Variants in HEXB observed in about 807,000 individuals in gnomAD.
The protein encoded by HEXB is beta-hexosaminidase subunit beta.
Under a neutral mutation model 71.2 loss-of-function variants are expected in HEXB, and 51 were observed. The ratio of observed to expected loss-of-function variants is 0.72; its 90% CI spans 0.57 to 0.90. The LOEUF is 0.90. Among genes scored for constraint, HEXB ranks in the 40% least tolerant of loss-of-function variants. The probability of loss-of-function intolerance (pLI) is 0.00; values close to 1 mark genes in which losing one functional copy is unlikely to be tolerated. For missense variants in HEXB, 617 were observed against 677.0 expected, an observed-to-expected ratio of 0.91 and a Z score of 0.98; for synonymous variants, 266 against 249.3, an observed-to-expected ratio of 1.07 and a Z score of -0.63.
At chr5:74,645,432 A>T (rs575083381) in intron 1 of HEXB, among the ~76,000 whole-genome samples, 2 of 152,274 alleles carry the variant, frequency 1.3e-5, no homozygotes, top group East Asian at 3.9e-4. Context: ...AATACAATTG[A>T]CTTTTGTATT....
chr5:74,660,147 A>G (rs186844777), intron 1 of HEXB, among the ~76,000 whole-genome samples: 3 of 152,320 alleles, frequency 2.0e-5, no homozygotes, highest in East Asian at 3.9e-4. Context: ...GGGACTCTCA[A>G]CTTAGCTGGG....
intron 11 of HEXB, chr5:74,719,954 A>AAACC (rs71600437): frequency 9.5e-5 from 15 of 158,484 alleles, no homozygotes; most frequent in Non-Finnish European, 1.5e-4. Flanking sequence ...AAAAAAAAAA[A>AAACC]ACACACACAT....
At chr5:74,659,127 A>G (rs1030455344) in intron 1 of HEXB, among the ~76,000 whole-genome samples, 4 of 151,454 alleles carry the variant, frequency 2.6e-5, no homozygotes, top group African/African-American at 9.7e-5. Flanking sequence ...GAAAAAAAAA[A>G]CTTGTCTTTG....
At chr5:74,703,355 G>A (rs1031599498) in intron 5 of HEXB, among the ~76,000 whole-genome samples, 1 of 152,214 alleles carries the variant, frequency 6.6e-6, no homozygotes, top group African/African-American at 2.4e-5. Flanking sequence ...TTGGAGCACT[G>A]TCTTACTTTT....
At chr5:74,699,385 T>G (rs1031420230) in intron 5 of HEXB, among the ~76,000 whole-genome samples, 1 of 150,814 alleles carries the variant, frequency 6.6e-6, no homozygotes, top group East Asian at 2.0e-4. Context: ...AGCAATTCTC[T>G]TGCCTCTGTC....
intron 9 of HEXB, 81 bp downstream of exon 9, chr5:74,716,754 T>A (rs1306624660): frequency 1.1e-6 from 1 of 894,638 alleles, no homozygotes; most frequent in African/African-American, 1.7e-5. Context: ...TTTTACATTT[T>A]CTCTACATCC....
chr5:74,693,854 G>GGAT lies in HEXB; in HGVS notation c.511+150_511+151insGAT, dbSNP rs577531868. The GGAT allele has an allele frequency of 7.2e-4, 513 of 716,262 alleles. No individual in the cohort carries two copies. In the African/African-American group the frequency reaches 8.0e-3, roughly 11 times the overall value. 44.4% of individuals were successfully genotyped at this position (716,262 alleles called of 1,614,324 possible). On this transcript the variant is annotated intron_variant, in intron 3 of 13. Coordinates refer to ENST00000261416, the MANE Select transcript of HEXB (RefSeq NM_000521.4). The stretch of plus-strand genomic sequence containing the variant: ...TTCCAAAATGATTTCCATTGAACAT[G>GGAT]TACTACATAAAGCATGGGAGAGGTC...
intron 6 of HEXB, among the ~76,000 whole-genome samples, chr5:74,709,555 TAA>T (rs1028034959): frequency 2.0e-5 from 3 of 151,196 alleles, no homozygotes; most frequent in Non-Finnish European, 4.4e-5. Context: ...GCAAGACTAA[TAA>T]AAAAAGAGAG....
At chr5:74,681,157 G>A (rs993584263), upstream of HEXB, among the ~76,000 whole-genome samples, 1 of 152,216 alleles carries the variant, frequency 6.6e-6, no homozygotes, top group Non-Finnish European at 1.5e-5. Context: ...ATAAGAGGAT[G>A]ATAATAATAT....
Position 74,658,684 on chromosome 5 carries a change from T to A in HEXB, c.-377+18126T>A, listed in dbSNP as rs147245626. Among the ~76,000 whole-genome samples the A allele has an allele frequency of 1.6e-3, 250 of 152,314 alleles. 1 individual carries two copies. The highest frequency in any genetic ancestry group is 5.7e-3 in the African/African-American group (235 of 41,556). On this transcript the variant is annotated intron_variant, in intron 1 of 13. Coordinates refer to the HEXB transcript ENST00000511181. Reference sequence around the variant, plus strand: ...ACTCTTGGGTACCAGGGAAATAATGTGTCCTAGGAATGACAGAAGATTCAC... The same window carrying A: ...ACTCTTGGGTACCAGGGAAATAATGAGTCCTAGGAATGACAGAAGATTCAC...
At chr5:74,702,695 A>G (rs1275596436) in intron 5 of HEXB, among the ~76,000 whole-genome samples, 1 of 152,238 alleles carries the variant, frequency 6.6e-6, no homozygotes, top group Non-Finnish European at 1.5e-5. Context: ...GAGACCGTGT[A>G]AAATCCCATT....
Position 74,664,430 on chromosome 5 carries a change from T to TAAAAAAAA in HEXB, c.-377+23888_-377+23895dup, listed in dbSNP as rs397998152. Among the ~76,000 whole-genome samples, 5 of 79,662 alleles carry TAAAAAAAA rather than the reference T, an allele frequency of 6.3e-5. No individual in the cohort carries two copies. In the South Asian group the frequency reaches 1.8e-3, roughly 29 times the overall value. 52.3% of individuals were successfully genotyped at this position (79,662 alleles called of 152,430 possible). A position where few individuals can be genotyped will look rare whatever the true frequency, so the allele number is the denominator to read the frequency against. ...GGGCAATAGAGCAAGATTCTATCTC[T>TAAAAAAAA]AAAAAAAAAAAAAAAAAAAAAAACA... On this transcript the variant is annotated intron_variant, in intron 1 of 13. Coordinates refer to the HEXB transcript ENST00000511181.
chr5:74,671,211 C>G (rs915159438), intron 1 of HEXB, among the ~76,000 whole-genome samples: 4 of 152,184 alleles, frequency 2.6e-5, no homozygotes, highest in African/African-American at 7.2e-5. Flanking sequence ...TAATAATCGT[C>G]TCCTCATTAA....
chr5:74,653,278 A>T (rs564285579), intron 1 of HEXB, among the ~76,000 whole-genome samples: 10 of 152,182 alleles, frequency 6.6e-5, no homozygotes, highest in African/African-American at 2.4e-4. Context: ...GCTAAAGTTT[A>T]AAAAAAGTAG....
At chr5:74,659,816 A>G (rs1289582801) in intron 1 of HEXB, among the ~76,000 whole-genome samples, 2 of 152,240 alleles carry the variant, frequency 1.3e-5, no homozygotes, top group Admixed American at 6.5e-5. Flanking sequence ...TTTGATGAGA[A>G]TAAATGAAAT....
At chr5:74,647,631 C>T (rs144308702) in intron 1 of HEXB, among the ~76,000 whole-genome samples, 2,044 of 152,252 alleles carry the variant, frequency 0.013, 45 homozygotes, top group African/African-American at 0.047. Context: ...CTCTTAGCCT[C>T]GTAAGTAATT....
chr5:74,660,208 A>G (rs1748293999), intron 1 of HEXB, among the ~76,000 whole-genome samples: 2 of 152,188 alleles, frequency 1.3e-5, no homozygotes, highest in Admixed American at 6.5e-5. Flanking sequence ...CCAAACTCTA[A>G]TTGTATCCCA....
chr5:74,670,816 C>T (rs1337873951), intron 1 of HEXB, among the ~76,000 whole-genome samples: 1 of 152,108 alleles, frequency 6.6e-6, no homozygotes, highest in African/African-American at 2.4e-5. Context: ...CCACAAGACC[C>T]ACACAGAGCC....
In HEXB at chr5:74,641,398, T is replaced by C. The variant is rs1747880525; in HGVS notation, c.-377+840T>C. 1 of 152,256 alleles carries C rather than the reference T, an allele frequency of 6.6e-6. No homozygotes were observed. The highest frequency in any genetic ancestry group is 2.4e-5 in the African/African-American group (1 of 41,464). The allele number at this position is 152,256 out of a possible 1,614,324, so 9.4% of individuals were successfully genotyped here. On this transcript the variant is annotated intron_variant, in intron 1 of 13. Transcript: ENST00000511181. The surrounding 1 kb of genome is among the most constrained non-coding windows in gnomAD (Gnocchi z 4.1). Reference sequence around the variant, plus strand: ...TGTGTCCTCCCTCCCCACTCCCCAGTGGGTGCGGCACCCCCGGCTGGACTC... The same window carrying C: ...TGTGTCCTCCCTCCCCACTCCCCAGCGGGTGCGGCACCCCCGGCTGGACTC...
Sources: gnomAD v4.1 joint callset for allele counts (sites outside exome capture counted in the v4.1 genomes callset) on GRCh38, gnomAD v4.1.1 for gene constraint, Gnocchi (gnomAD v3.1) non-coding constraint, MANE v1.5 for transcripts, NCBI Gene and HGNC (gene_info 2026-07-23, HGNC 2026-07-21) for gene names.